The following SEMA5A variants were observed in gnomAD, a reference collection of about 807,000 sequenced individuals.
The protein encoded by SEMA5A is semaphorin 5A.
Under a neutral mutation model 135.5 loss-of-function variants are expected in SEMA5A, and 55 were observed. The observed-to-expected ratio is 0.41, with a 90% CI of 0.33 to 0.51. The LOEUF is 0.51. Ranked by LOEUF, SEMA5A falls within the 20% of genes least tolerant of loss-of-function variation. SEMA5A has a pLI of 0.37. For missense variants in SEMA5A, 1,290 were observed against 1,419.9 expected, an observed-to-expected ratio of 0.91 and a Z score of 1.47; for synonymous variants, 580 against 546.5, an observed-to-expected ratio of 1.06 and a Z score of -0.85.
intron 2 of SEMA5A, among the ~76,000 whole-genome samples, chr5:9,414,058 T>C (rs531222127): frequency 6.6e-6 from 1 of 152,260 alleles, no homozygotes; most frequent in African/African-American, 2.4e-5. Flanking sequence ...ACTGTCTTTC[T>C]TGACTAACAA....
chr5:9,527,092 C>T (rs541822716), intron 1 of SEMA5A, among the ~76,000 whole-genome samples: 5 of 152,214 alleles, frequency 3.3e-5, no homozygotes, highest in Middle Eastern at 6.8e-3. Flanking sequence ...GATAGTGCAG[C>T]GACAGGGCTA....
chr5:9,053,949 G>T, intron 19 of SEMA5A, 138 bp downstream of exon 19: 1 of 876,116 alleles, frequency 1.1e-6, no homozygotes. Flanking sequence ...GTCACTTCAA[G>T]GGTAATAGCA....
At chr5:9,243,807 C>T (rs931580399) in intron 5 of SEMA5A, among the ~76,000 whole-genome samples, 11 of 152,092 alleles carry the variant, frequency 7.2e-5, no homozygotes, top group African/African-American at 2.2e-4. Flanking sequence ...GATCTGGAGC[C>T]TGTTATCTGA....
intron 5 of SEMA5A, among the ~76,000 whole-genome samples, chr5:9,305,728 T>TATATATATGTATATATATATA (rs1287444762): frequency 3.8e-4 from 36 of 95,038 alleles, no homozygotes; most frequent in African/African-American, 1.3e-3. Flanking sequence ...ATATATATAT[T>TATATATATGTATATATATATA]TACACGCACA....
chr5:9,314,854 C>A (rs149055804), intron 5 of SEMA5A, among the ~76,000 whole-genome samples: 9 of 152,040 alleles, frequency 5.9e-5, no homozygotes, highest in African/African-American at 1.9e-4. Context: ...TCATTAGAGC[C>A]GCATTTTTAA....
chr5:9,434,722 T>C (rs946172246), intron 2 of SEMA5A, among the ~76,000 whole-genome samples: 1 of 152,182 alleles, frequency 6.6e-6, no homozygotes, highest in Non-Finnish European at 1.5e-5. Flanking sequence ...ATGGTCAGAA[T>C]TTCATTTTTT....
At chr5:9,396,785 C>T (rs1756423240) in intron 2 of SEMA5A, among the ~76,000 whole-genome samples, 1 of 152,166 alleles carries the variant, frequency 6.6e-6, no homozygotes, top group South Asian at 2.1e-4. Context: ...CTGGTCCTTC[C>T]CCACGTGGCC....
chr5:9,220,469 A>C (rs13154848), intron 8 of SEMA5A, among the ~76,000 whole-genome samples: 68,925 of 148,900 alleles, frequency 0.46, 16,151 homozygotes, highest in East Asian at 0.65. Context: ...AAAACAACAA[A>C]AAAACTTCAG....
At chr5:9,213,731 C>T (rs1258598446) in intron 8 of SEMA5A, among the ~76,000 whole-genome samples, 4 of 152,132 alleles carry the variant, frequency 2.6e-5, no homozygotes, top group Non-Finnish European at 4.4e-5. Context: ...CAACAGTGGC[C>T]ATGTGGACTG....
At chr5:9,410,275 A>T (rs1245785277) in intron 2 of SEMA5A, among the ~76,000 whole-genome samples, 1 of 152,334 alleles carries the variant, frequency 6.6e-6, no homozygotes, top group East Asian at 1.9e-4. Flanking sequence ...GGATACTAAG[A>T]TCTTATTTAA....
chr5:9,472,760 ACTAT>A (rs1759522508), intron 1 of SEMA5A, among the ~76,000 whole-genome samples: 1 of 152,108 alleles, frequency 6.6e-6, no homozygotes, highest in Non-Finnish European at 1.5e-5. Flanking sequence ...AAAAGCATTC[ACTAT>A]CTGAGTATCT....
intron 5 of SEMA5A, among the ~76,000 whole-genome samples, chr5:9,268,975 A>G (rs1430761249): frequency 6.6e-6 from 1 of 152,138 alleles, no homozygotes; most frequent in African/African-American, 2.4e-5. Context: ...TACAACATTT[A>G]CATCGTACAA....
chr5:9,513,069 A>T (rs976173660), intron 1 of SEMA5A, among the ~76,000 whole-genome samples: 3 of 17,938 alleles, frequency 1.7e-4, no homozygotes, highest in East Asian at 5.9e-4. Flanking sequence ...TATATATATA[A>T]TATATATATA....
chr5:9,214,971 C>T (rs1746534896), intron 8 of SEMA5A, among the ~76,000 whole-genome samples: 1 of 152,140 alleles, frequency 6.6e-6, no homozygotes. Flanking sequence ...AGAGAAGCGC[C>T]CCTTCCCCAG....
At chr5:9,084,350 G>A (rs1213209503) in intron 16 of SEMA5A, among the ~76,000 whole-genome samples, 1 of 152,116 alleles carries the variant, frequency 6.6e-6, no homozygotes, top group Non-Finnish European at 1.5e-5. Flanking sequence ...CTCCAGTGAT[G>A]TTTCTGTTGG....
chr5:9,318,956 T>A (rs1303833573), intron 4 of SEMA5A, among the ~76,000 whole-genome samples: 2 of 152,170 alleles, frequency 1.3e-5, no homozygotes, highest in African/African-American at 2.4e-5. Context: ...CCCAGCACTT[T>A]GGGAGGCTGA....
chr5:9,373,562 T>C (rs1755230961), intron 3 of SEMA5A, among the ~76,000 whole-genome samples: 1 of 152,126 alleles, frequency 6.6e-6, no homozygotes, highest in South Asian at 2.1e-4. Flanking sequence ...TCAGAACAAT[T>C]CTCAGGCCAA....
rs1735823650 is a variant in SEMA5A at position 9,039,197 on chromosome 5, A to AGAG, written c.*3697_*3699dup. 6.6e-6 allele frequency: 1 copy of AGAG among 152,314 alleles called. No homozygotes were observed. The highest frequency in any genetic ancestry group is 1.5e-5 in the Non-Finnish European group (1 of 68,090). The allele number at this position is 152,314 out of a possible 1,614,324, so 9.4% of individuals were successfully genotyped here. A position where few individuals can be genotyped will look rare whatever the true frequency, so the allele number is the denominator to read the frequency against. ...GGCACTCTGGGCAGTTGATCCTGGCAGAGTCCAAGGGTCAGACCCATGGAC... is the reference window on the plus strand; with the variant it reads ...GGCACTCTGGGCAGTTGATCCTGGCAGAGGAGTCCAAGGGTCAGACCCATGGAC... On this transcript the variant is annotated 3_prime_UTR_variant, in exon 23 of 23. Transcript: ENST00000382496.
intron 5 of SEMA5A, among the ~76,000 whole-genome samples, chr5:9,299,180 G>T (rs1751487627): frequency 6.6e-6 from 1 of 152,158 alleles, no homozygotes; most frequent in South Asian, 2.1e-4. Context: ...AGCTGAAAGG[G>T]CCCTTAGAGA....
Sources: gnomAD v4.1 joint callset for allele counts (sites outside exome capture counted in the v4.1 genomes callset) on GRCh38, gnomAD v4.1.1 for gene constraint, MANE v1.5 for transcripts, NCBI Gene and HGNC (gene_info 2026-07-23, HGNC 2026-07-21) for gene names.